The following TCP11L1 variants were observed in gnomAD, a reference collection of about 807,000 sequenced individuals.
TCP11L1 encodes t-complex 11 like 1, also known as T-complex protein 11-like protein 1.
TCP11L1 carries 28 observed loss-of-function variants against 48.9 expected under a neutral mutation model. That is an observed-to-expected ratio of 0.57 (90% CI 0.42 to 0.78). TCP11L1 has a LOEUF of 0.78. Ranked by LOEUF, TCP11L1 falls within the 30% of genes least tolerant of loss-of-function variation. The probability of loss-of-function intolerance (pLI) is 0.00; values close to 1 mark genes in which losing one functional copy is unlikely to be tolerated. For synonymous variants in TCP11L1, 204 were observed against 231.9 expected, an observed-to-expected ratio of 0.88 and a Z score of 1.09; for missense variants, 505 against 613.4, an observed-to-expected ratio of 0.82 and a Z score of 1.87.
Position 33,072,985 on chromosome 11 carries a change from C to T in TCP11L1, c.*309C>T. On this transcript the variant is annotated 3_prime_UTR_variant, in exon 10 of 10. Coordinates refer to ENST00000334274, the MANE Select transcript of TCP11L1 (RefSeq NM_018393.4). ...CATGTCCTTCCAAGGAGGCTGGGAC[C>T]TCTCTCTTCTGCAATCTGGGTAGTT... 1 of 363,638 alleles carries T rather than the reference C, an allele frequency of 2.7e-6. No homozygotes were observed. The highest frequency in any genetic ancestry group is 5.2e-6 in the Non-Finnish European group (1 of 193,156). 22.5% of individuals were successfully genotyped at this position (363,638 alleles called of 1,614,324 possible).
chr11:33,040,211 G>A (rs1317961154), intron 1 of TCP11L1: 1 of 152,232 alleles, frequency 6.6e-6, no homozygotes, highest in African/African-American at 2.4e-5. Context: ...TGGCAAGTGC[G>A]AGGATCCTCC....
intron 3 of TCP11L1, chr11:33,056,540 C>T (rs917817683): frequency 6.2e-6 from 1 of 162,318 alleles, no homozygotes; most frequent in African/African-American, 2.4e-5. Flanking sequence ...CAACCTACTA[C>T]ATACTGAATT....
rs544976256 is a variant in TCP11L1 at position 33,051,396 on chromosome 11, C to T, written c.164-3197C>T. ...GTTAGCCAGGATGGTCTTGTTCTCC[C>T]GACCTTGTGGTCCGCTCGCCTCAGC... On this transcript the variant is annotated intron_variant, in intron 2 of 9. Coordinates refer to ENST00000334274, the MANE Select transcript of TCP11L1 (RefSeq NM_018393.4). 1.5e-3 allele frequency among the ~76,000 whole-genome samples: 227 copies of T among 151,722 alleles called. 2 individuals carry two copies. The highest frequency in any genetic ancestry group is 5.2e-3 in the African/African-American group (215 of 41,376).
intron 5 of TCP11L1, among the ~76,000 whole-genome samples, chr11:33,058,675 TC>T (rs1854386447): frequency 6.6e-6 from 1 of 152,250 alleles, no homozygotes. Flanking sequence ...TACATTAATT[TC>T]CTTCAACATT....
intron 8 of TCP11L1, among the ~76,000 whole-genome samples, chr11:33,066,821 T>C (rs1285068029): frequency 1.3e-5 from 2 of 152,190 alleles, no homozygotes; most frequent in South Asian, 4.1e-4. Flanking sequence ...ACAAAAATGT[T>C]TGTGACTAGG....
At chr11:33,059,128 TGTC>T (rs1215870438) in intron 6 of TCP11L1, 33 bp downstream of exon 6, 12 of 1,604,286 alleles carry the variant, frequency 7.5e-6, no homozygotes, top group Non-Finnish European at 1.0e-5. Flanking sequence ...CTTTTTTTGT[TGTC>T]TGTGGTTTTT....
intron 5 of TCP11L1, 79 bp from the exon 6 acceptor site, chr11:33,058,880 G>C (rs2133724548): frequency 6.6e-7 from 1 of 1,515,620 alleles, no homozygotes; most frequent in Non-Finnish European, 9.0e-7. Context: ...ACAGGTGTGA[G>C]CCACGCGTCT....
intron 2 of TCP11L1, among the ~76,000 whole-genome samples, chr11:33,050,953 A>G (rs1421780778): frequency 6.6e-6 from 1 of 151,882 alleles, no homozygotes; most frequent in Non-Finnish European, 1.5e-5. Flanking sequence ...AGCTGAGACT[A>G]CAGGAGCATG....
rs1220568815 is a variant in TCP11L1 at position 33,061,680 on chromosome 11, A to C, written c.926A>C (p.Tyr309Ser). Residue 309 changes from tyrosine (Y) to serine (S), a missense_variant, in exon 7 of 10, where the codon TAC becomes TCC. By Grantham distance (144) the Tyr-to-Ser change is moderately radical (BLOSUM62 -2). This residue lies in a region of TCP11L1 where 335 missense variants were observed against 413.3 expected (regional missense o/e 0.81). Transcript: ENST00000334274. ...CCTGTTGCTGTCCAGAATTACGCTTACCTGAAGCTTCTGAAGTGGGACCAC... is the reference window on the plus strand; with the variant it reads ...CCTGTTGCTGTCCAGAATTACGCTTCCCTGAAGCTTCTGAAGTGGGACCAC... Reference protein sequence around the residue: ...LSPVAVQNYAYLKLLKWDHLQ... With the variant: ...LSPVAVQNYASLKLLKWDHLQ... 6.2e-7 allele frequency: 1 copy of C among 1,610,102 alleles called. No individual in the cohort carries two copies. Among genetic ancestry groups the C allele is most frequent in the African/African-American group, 1.3e-5 (1 of 74,986 alleles).
intron 1 of TCP11L1, among the ~76,000 whole-genome samples, chr11:33,042,205 A>G (rs1853856864): frequency 6.6e-6 from 1 of 152,126 alleles, no homozygotes; most frequent in Non-Finnish European, 1.5e-5. Flanking sequence ...ATCTCGGCTC[A>G]CTGCAAGCTC....
rs1385356318 is a variant in TCP11L1 at position 33,043,881 on chromosome 11, A to C, written c.108A>C (p.Leu36Phe). 6.2e-7 allele frequency: 1 copy of C among 1,613,774 alleles called. No individual in the cohort carries two copies. The highest frequency in any genetic ancestry group is 8.5e-7 in the Non-Finnish European group (1 of 1,179,912). The change falls in exon 2 of 10, where the codon TTA (leucine) becomes TTC (phenylalanine). Residue 36 changes from leucine (L) to phenylalanine (F), a missense_variant. Physicochemically the swap from Leu to Phe is conservative, Grantham distance 22 (BLOSUM62 0). This residue lies in a region of TCP11L1 where 168 missense variants were observed against 183.5 expected (regional missense o/e 0.92). Coordinates refer to ENST00000334274, the MANE Select transcript of TCP11L1 (RefSeq NM_018393.4). Reference protein sequence around the residue: ...EDAVEGADEALQKAIKSDSSS... With the variant: ...EDAVEGADEAFQKAIKSDSSS... ...CTGTGGAAGGTGCTGATGAAGCCTT[A>C]CAAAAAGCAATAAAGTCAGACTCCT...
intron 2 of TCP11L1, among the ~76,000 whole-genome samples, chr11:33,048,184 AT>A (rs35718306): frequency 2.8e-4 from 41 of 148,076 alleles, no homozygotes; most frequent in South Asian, 1.1e-3. Flanking sequence ...GTATCTTTAC[AT>A]TTTTTTTTTT....
intron 2 of TCP11L1, among the ~76,000 whole-genome samples, chr11:33,049,446 A>T (rs1465146717): frequency 1.3e-5 from 2 of 152,084 alleles, no homozygotes; most frequent in Non-Finnish European, 1.5e-5. Context: ...AGAGAAAGAA[A>T]AGTGGGCCCA....
chr11:33,066,121 G>A, intron 8 of TCP11L1, 110 bp downstream of exon 8: 1 of 1,361,586 alleles, frequency 7.3e-7, no homozygotes, highest in Non-Finnish European at 1.0e-6. Context: ...CACTCTCTAG[G>A]AACTGAGAAG....
At position 33,059,032 on chromosome 11, in the gene TCP11L1, C is replaced by A; in HGVS notation, c.712C>A (p.Leu238Ile). 6.8e-6 allele frequency: 11 copies of A among 1,614,220 alleles called. No individual in the cohort carries two copies. The highest frequency in any genetic ancestry group is 9.3e-6 in the Non-Finnish European group (11 of 1,180,038). The change falls in exon 6 of 10, where the codon CTC becomes ATC. Residue 238 changes from leucine to isoleucine, a missense_variant. By Grantham distance (5) the Leu-to-Ile change is conservative. This residue lies in a region of TCP11L1 where 335 missense variants were observed against 413.3 expected (regional missense o/e 0.81). Transcript: ENST00000334274. ...TGCTATCAGTAGCATCAGGCCTCAT[C>A]TCATGCAGCAGTCAGTTGAATACGA... Reference protein sequence around the residue: ...NFAISSIRPHLMQQSVEYERK... With the variant: ...NFAISSIRPHIMQQSVEYERK...
chr11:33,062,003 C>T (rs1163353578), intron 7 of TCP11L1, among the ~76,000 whole-genome samples: 1 of 152,126 alleles, frequency 6.6e-6, no homozygotes, highest in Non-Finnish European at 1.5e-5. Flanking sequence ...ATTGCTTGAA[C>T]CTGGGAGGCG....
chr11:33,050,536 A>G (rs567403261), intron 2 of TCP11L1, among the ~76,000 whole-genome samples: 1 of 152,314 alleles, frequency 6.6e-6, no homozygotes, highest in African/African-American at 2.4e-5. Flanking sequence ...GGAGATCCCT[A>G]CTGAACTGGG....
intron 7 of TCP11L1, among the ~76,000 whole-genome samples, chr11:33,063,714 A>C (rs1047339793): frequency 4.6e-5 from 7 of 152,208 alleles, no homozygotes; most frequent in African/African-American, 1.7e-4. Context: ...TTTGGGGGGT[A>C]CGTGAGCTTC....
intron 1 of TCP11L1, among the ~76,000 whole-genome samples, chr11:33,043,369 A>G (rs1040670286): frequency 6.6e-6 from 1 of 152,218 alleles, no homozygotes; most frequent in Non-Finnish European, 1.5e-5. Context: ...GAGTTTACCT[A>G]TCTGCTCTTA....
Sources: gnomAD v4.1 joint callset for allele counts (sites outside exome capture counted in the v4.1 genomes callset) on GRCh38, gnomAD v4.1.1 for gene constraint, gnomAD v4.1.1 regional missense constraint, MANE v1.5 for transcripts, NCBI Gene and HGNC (gene_info 2026-07-23, HGNC 2026-07-21) for gene names.